Variants in GLIS3 observed in about 807,000 individuals in gnomAD.
GLIS3 encodes the protein zinc finger protein GLIS3.
In GLIS3, 53 loss-of-function variants were observed where a neutral mutation model predicts 78.6. That is an observed-to-expected ratio of 0.67 (90% confidence interval 0.54 to 0.85). The LOEUF (loss-of-function observed/expected upper bound fraction) is 0.85, where lower values mean the gene tolerates loss of function less well. GLIS3 is among the 40% of genes least tolerant of loss of function. The pLI, the probability that GLIS3 is intolerant of heterozygous loss-of-function variation, is 0.00. For synonymous variants in GLIS3, 684 were observed against 509.9 expected (o/e 1.34, Z -4.60); for missense variants, 1,703 against 1,231.1 (o/e 1.38, Z -5.74).
At chr9:4,331,115 G>C (rs1396698454) in intron 2 of GLIS3, among the ~76,000 whole-genome samples, 2 of 110,534 alleles carry the variant, frequency 1.8e-5, no homozygotes, top group Non-Finnish European at 4.7e-5. Flanking sequence ...AATGTATTCT[G>C]TTACAGTTCT....
At position 3,995,979 on chromosome 9, in the gene GLIS3, A is replaced by C. The variant is rs1276233033; in HGVS notation, c.1711-58790T>G. ...GGAATCTTAATAAATTCTAAGCAAG[A>C]CTAATAAAAACAAGTTCACTGTAGC... is the stretch of plus-strand genomic sequence containing the variant. On this transcript the variant is annotated intron_variant, in intron 4 of 10. Transcript: ENST00000381971. Among the ~76,000 whole-genome samples the C allele has an allele frequency of 2.6e-5, 4 of 152,266 alleles. No individual in the cohort carries two copies. In the East Asian group the frequency reaches 7.7e-4, roughly 29 times the overall value.
chr9:4,178,682 A>T (rs1421893501), intron 2 of GLIS3, among the ~76,000 whole-genome samples: 2 of 152,166 alleles, frequency 1.3e-5, no homozygotes, highest in Non-Finnish European at 2.9e-5. Flanking sequence ...TTTCTACAGA[A>T]ATTCAGAATG....
chr9:4,379,535 G>C, the GLIS3 span, among the ~76,000 whole-genome samples: 1 of 152,190 alleles, frequency 6.6e-6, no homozygotes, highest in South Asian at 2.1e-4. Flanking sequence ...ATGCTTATAA[G>C]ATGTTTTTAG....
At chr9:4,050,497 C>G (rs1041597074) in intron 4 of GLIS3, among the ~76,000 whole-genome samples, 2 of 152,046 alleles carry the variant, frequency 1.3e-5, no homozygotes, top group East Asian at 1.9e-4. Flanking sequence ...ACCTAATGTA[C>G]ATGACAATTT....
At chr9:4,328,830 C>T (rs907188536) in intron 2 of GLIS3, among the ~76,000 whole-genome samples, 1 of 152,264 alleles carries the variant, frequency 6.6e-6, no homozygotes. Context: ...GATCAGTGCC[C>T]GGCACGTGAC....
the GLIS3 span, among the ~76,000 whole-genome samples, chr9:4,384,019 T>C: frequency 6.6e-6 from 1 of 152,206 alleles, no homozygotes; most frequent in Non-Finnish European, 1.5e-5. Flanking sequence ...TGTGTGCCAT[T>C]GGCTGCCAAT....
At chr9:4,253,884 C>G (rs1338217650) in intron 2 of GLIS3, among the ~76,000 whole-genome samples, 1 of 152,168 alleles carries the variant, frequency 6.6e-6, no homozygotes, top group Non-Finnish European at 1.5e-5. Flanking sequence ...CCTTGCACTT[C>G]CCGGGTAAGG....
At chr9:4,110,196 T>C (rs1420555954) in intron 4 of GLIS3, among the ~76,000 whole-genome samples, 1 of 152,178 alleles carries the variant, frequency 6.6e-6, no homozygotes, top group African/African-American at 2.4e-5. Context: ...GGTAATTATA[T>C]ACCCTAATTT....
chr9:4,267,944 CCTGTGTGT>C (rs200228462), intron 2 of GLIS3, among the ~76,000 whole-genome samples: 54,062 of 149,876 alleles, frequency 0.36, 9,869 homozygotes, highest in African/African-American at 0.43. Flanking sequence ...TATAAAAATA[CCTGTGTGT>C]GTGTGTGTGT....
chr9:3,828,435 C>T, intron 10 of GLIS3, 27 bp from the exon 11 acceptor site: 2 of 1,611,510 alleles, frequency 1.2e-6, no homozygotes, highest in Non-Finnish European at 1.7e-6. Flanking sequence ...GCAGTTAAGT[C>T]AGTAACTCCT....
chr9:3,982,402 G>A (rs1436169591), intron 4 of GLIS3, among the ~76,000 whole-genome samples: 3 of 152,086 alleles, frequency 2.0e-5, no homozygotes, highest in Non-Finnish European at 2.9e-5. Context: ...TCACCAGGTT[G>A]TGCACAGCTC....
chr9:4,332,987 T>C (rs1817707573), intron 2 of GLIS3, among the ~76,000 whole-genome samples: 1 of 152,246 alleles, frequency 6.6e-6, no homozygotes, highest in Non-Finnish European at 1.5e-5. Context: ...CTAATTTTTA[T>C]AGCATTGAGT....
chr9:4,409,744 A>T, the GLIS3 span, among the ~76,000 whole-genome samples: 2 of 152,336 alleles, frequency 1.3e-5, no homozygotes, highest in East Asian at 1.9e-4. Flanking sequence ...ACAAACTATC[A>T]AAGTGAAAAA....
At chr9:3,860,559 A>C (rs1453967437) in intron 8 of GLIS3, among the ~76,000 whole-genome samples, 1 of 152,122 alleles carries the variant, frequency 6.6e-6, no homozygotes, top group Non-Finnish European at 1.5e-5. Context: ...AGACCCTGAG[A>C]CACTGAGAAC....
intron 2 of GLIS3, among the ~76,000 whole-genome samples, chr9:4,221,372 TGAAAA>T (rs1198073755): frequency 2.0e-5 from 3 of 152,184 alleles, no homozygotes; most frequent in Non-Finnish European, 4.4e-5. Flanking sequence ...TGGTAACAAA[TGAAAA>T]GAAAAAGAAA....
At chr9:3,846,272 C>T (rs1588075255) in intron 9 of GLIS3, among the ~76,000 whole-genome samples, 12 of 152,162 alleles carry the variant, frequency 7.9e-5, no homozygotes, top group Admixed American at 7.9e-4. Flanking sequence ...TCAGTAGGCA[C>T]CACCACAAAG....
At chr9:4,282,876 T>G (rs1473399158) in intron 2 of GLIS3, among the ~76,000 whole-genome samples, 1 of 152,162 alleles carries the variant, frequency 6.6e-6, no homozygotes, top group African/African-American at 2.4e-5. Context: ...CCAAACTCCT[T>G]GGCACATCAT....
chr9:3,872,483 C>A (rs1027898764), intron 8 of GLIS3, among the ~76,000 whole-genome samples: 1 of 152,190 alleles, frequency 6.6e-6, no homozygotes, highest in Non-Finnish European at 1.5e-5. Context: ...GGAAGCCTTA[C>A]AATCATGGCA....
rs116129897 is a variant in GLIS3, at chr9:4,042,581, T to A, written c.1710+75187A>T. The stretch of plus-strand genomic sequence containing the variant: ...TCTTCTACATCCACTGTTCCGAAGA[T>A]TTCCACACTGATTCTGAGCAATTTA... On this transcript the variant is annotated intron_variant, in intron 4 of 10. Transcript: ENST00000381971. Among the ~76,000 whole-genome samples, 1,499 of 152,298 alleles carry A rather than the reference T, an allele frequency of 9.8e-3. 18 individuals are homozygous for A. Among genetic ancestry groups the A allele is most frequent in the African/African-American group, 0.033 (1,388 of 41,564 alleles).
Sources: gnomAD v4.1 joint callset for allele counts (sites outside exome capture counted in the v4.1 genomes callset) on GRCh38, gnomAD v4.1.1 for gene constraint, MANE v1.5 for transcripts, NCBI Gene and HGNC (gene_info 2026-07-23, HGNC 2026-07-21) for gene names.